ZNF567: variants seen among roughly 807,000 people sequenced by gnomAD.
ZNF567 encodes zinc finger protein 567.
ZNF567 carries 36 observed loss-of-function variants against 53.9 expected under a neutral mutation model. The observed-to-expected ratio is 0.67, with a 90% CI of 0.51 to 0.88. ZNF567 has a LOEUF of 0.88. Among genes scored for constraint, ZNF567 ranks in the 40% least tolerant of loss-of-function variants. ZNF567 has a pLI of 0.00. For synonymous variants in ZNF567, 224 were observed against 260.4 expected, an observed-to-expected ratio of 0.86 and a Z score of 1.35; for missense variants, 619 against 764.7, an observed-to-expected ratio of 0.81 and a Z score of 2.25.
At chr19:36,721,732 C>CTTTTTTTTTTT (rs756276834), downstream of ZNF567, among the ~76,000 whole-genome samples, 2 of 121,652 alleles carry the variant, frequency 1.6e-5, no homozygotes, top group East Asian at 2.8e-4. Context: ...GTACCAGAGT[C>CTTTTTTTTTTT]TTTTTTTTTT....
In ZNF567 at chr19:36,719,254, C is replaced by G; in HGVS notation, c.530C>G (p.Thr177Ser). The change falls in exon 6 of 6, where the codon ACT becomes AGT. Residue 177 changes from threonine (T) to serine (S), a missense_variant. Thr to Ser is a moderately conservative substitution (Grantham distance 58). Transcript: ENST00000682579. Reference sequence around the variant, plus strand: ...CTCCTGAGTACTAAACAAGAGACTACTCATCCTGAAGTCAAATCCCATAAT... The same window carrying G: ...CTCCTGAGTACTAAACAAGAGACTAGTCATCCTGAAGTCAAATCCCATAAT... ...KSLLSTKQET[T>S]HPEVKSHNQS... 6.2e-7 allele frequency: 1 copy of G among 1,614,002 alleles called. No individual in the cohort carries two copies. The highest frequency in any genetic ancestry group is 8.5e-7 in the Non-Finnish European group (1 of 1,179,966).
At chr19:36,667,733 T>C in the ZNF567 span, among the ~76,000 whole-genome samples, 1 of 147,128 alleles carries the variant, frequency 6.8e-6, no homozygotes, top group African/African-American at 2.5e-5. Flanking sequence ...CACTGCAAGC[T>C]CCGCCTCCCG....
chr19:36,676,881 C>T, the ZNF567 span, among the ~76,000 whole-genome samples: 7,012 of 151,908 alleles, frequency 0.046, 465 homozygotes, highest in African/African-American at 0.14. Context: ...TAGGGCCGGG[C>T]GCGGTGGCTC....
chr19:36,726,982 T>TTCTTTTTCTTTCTTTCTTTCTTTC (rs375360156), downstream of ZNF567: 1 of 55,416 alleles, frequency 1.8e-5, no homozygotes, highest in South Asian at 5.8e-4. Context: ...CTTTCTTTCT[T>TTCTTTTTCTTTCTTTCTTTCTTTC]TTTCTTTCTT....
At chr19:36,676,212 C>T in the ZNF567 span, among the ~76,000 whole-genome samples, 4 of 151,268 alleles carry the variant, frequency 2.6e-5, no homozygotes, top group East Asian at 7.9e-4. Flanking sequence ...ATTACAGGCA[C>T]CTGCCACCAT....
chr19:36,675,479 C>T, the ZNF567 span, among the ~76,000 whole-genome samples: 3 of 152,030 alleles, frequency 2.0e-5, no homozygotes. Flanking sequence ...TCAAAACCAG[C>T]CTGATCAACA....
the ZNF567 span, among the ~76,000 whole-genome samples, chr19:36,667,076 CT>C: frequency 1.3e-5 from 2 of 152,162 alleles, no homozygotes; most frequent in African/African-American, 4.8e-5. Context: ...CGGGCTGTGG[CT>C]GAAGATAATT....
chr19:36,714,425 G>C, intron 5 of ZNF567: 1 of 398,126 alleles, frequency 2.5e-6, no homozygotes, highest in Non-Finnish European at 4.4e-6. Flanking sequence ...GCCTCACAAA[G>C]TGCTGGGATT....
At chr19:36,673,584 AGCCT>A in the ZNF567 span, among the ~76,000 whole-genome samples, 1 of 152,178 alleles carries the variant, frequency 6.6e-6, no homozygotes, top group Non-Finnish European at 1.5e-5. Context: ...CTGGGTCTTC[AGCCT>A]GCTGGCCTGC....
At position 36,694,526 on chromosome 19, in the gene ZNF567, G is replaced by T. The variant is rs554426884; in HGVS notation, c.-66-276G>T. ...CTTAACGGAGAGCAGCTTGGAAGTA[G>T]TTAATAACAGTAGGCTGACTAGGAG... On this transcript the variant is annotated intron_variant, in intron 2 of 5. Transcript: ENST00000682579. 2.2e-4 allele frequency among the ~76,000 whole-genome samples: 33 copies of T among 152,272 alleles called. No individual in the cohort carries two copies. The East Asian group carries it at 5.4e-3, about 25-fold the overall frequency.
At chr19:36,686,816 G>A (rs2038284199), upstream of ZNF567, 1 of 152,054 alleles carries the variant, frequency 6.6e-6, no homozygotes, top group African/African-American at 2.4e-5. Context: ...GCTATAAAGC[G>A]GGAGAAAAAA....
chr19:36,697,017 T>C (rs1334852156), intron 3 of ZNF567, among the ~76,000 whole-genome samples: 1 of 152,162 alleles, frequency 6.6e-6, no homozygotes, highest in African/African-American at 2.4e-5. Flanking sequence ...GAAAGTGCCT[T>C]AGAGGAATGT....
downstream of ZNF567, among the ~76,000 whole-genome samples, chr19:36,723,911 A>C (rs1049076717): frequency 1.3e-5 from 2 of 152,022 alleles, no homozygotes; most frequent in African/African-American, 4.8e-5. Flanking sequence ...AATCATGCTC[A>C]TAACTTTCAG....
chr19:36,691,254 G>T (rs1280802477), intron 2 of ZNF567, among the ~76,000 whole-genome samples: 1 of 152,010 alleles, frequency 6.6e-6, no homozygotes, highest in African/African-American at 2.4e-5. Flanking sequence ...ATCTCCCTGG[G>T]CTCAGGTGAT....
downstream of ZNF567, among the ~76,000 whole-genome samples, chr19:36,722,776 T>C (rs934855958): frequency 2.6e-5 from 4 of 152,190 alleles, no homozygotes; most frequent in Admixed American, 2.6e-4. Context: ...TCCTTATTTT[T>C]CTGATAATTT....
chr19:36,694,663 C>A, intron 2 of ZNF567, 139 bp from the exon 3 acceptor site: 1 of 482,676 alleles, frequency 2.1e-6, no homozygotes, highest in Non-Finnish European at 3.6e-6. Flanking sequence ...GCTGGTTGTC[C>A]CATCTATATT....
In ZNF567 at chr19:36,720,266, C is replaced by T. The variant is rs2040251762; in HGVS notation, c.1542C>T (p.Phe514=). ...AATGTAATGAATGTGGTAAATCATT[C>T]AGTCAAAAGACAAATCTCAATCTAC... is the stretch of plus-strand genomic sequence containing the variant. The part of the protein sequence containing the change: ...PYECNECGKS[F]SQKTNLNLHQ... The change falls in exon 6 of 6, where the codon TTC becomes TTT. Residue 514 remains phenylalanine, a synonymous_variant. Coordinates refer to ENST00000682579, the MANE Select transcript of ZNF567 (RefSeq NM_001322917.1). 3.1e-6 allele frequency: 5 copies of T among 1,614,034 alleles called. No individual in the cohort carries two copies. The highest frequency in any genetic ancestry group is 4.2e-6 in the Non-Finnish European group (5 of 1,179,988).
chr19:36,682,854 A>G (rs1051486951), upstream of ZNF567, among the ~76,000 whole-genome samples: 3 of 151,590 alleles, frequency 2.0e-5, no homozygotes, highest in African/African-American at 7.3e-5. Context: ...TGATCCGCCC[A>G]TGTCAGCCTC....
At chr19:36,715,500 AATAATAATAATTATT>A (rs1216367492) in intron 5 of ZNF567, among the ~76,000 whole-genome samples, 1,239 of 74,582 alleles carry the variant, frequency 0.017, 5 homozygotes, top group Middle Eastern at 0.027. Context: ...TAATAATAAT[AATAATAATAATTATT>A]ATTATTATTA....
Sources: gnomAD v4.1 joint callset for allele counts (sites outside exome capture counted in the v4.1 genomes callset) on GRCh38, gnomAD v4.1.1 for gene constraint, MANE v1.5 for transcripts, NCBI Gene and HGNC (gene_info 2026-07-23, HGNC 2026-07-21) for gene names.